PLOD1: variants seen among roughly 807,000 people sequenced by gnomAD.
The protein encoded by PLOD1 is procollagen-lysine,2-oxoglutarate 5-dioxygenase 1.
PLOD1 carries 70 observed loss-of-function variants against 94.7 expected under a neutral mutation model. That is an observed-to-expected ratio of 0.74 (90% CI 0.61 to 0.90). The LOEUF (loss-of-function observed/expected upper bound fraction) is 0.90. PLOD1 is among the 40% of genes least tolerant of loss of function. The pLI is 0.00. For missense variants in PLOD1, 905 were observed against 972.7 expected, an observed-to-expected ratio of 0.93 and a Z score of 0.93; for synonymous variants, 417 against 400.2, an observed-to-expected ratio of 1.04 and a Z score of -0.50.
chr1:11,968,478 A>G (rs1254965485), intron 16 of PLOD1, among the ~76,000 whole-genome samples: 1 of 149,192 alleles, frequency 6.7e-6, no homozygotes, highest in Admixed American at 6.7e-5. Flanking sequence ...CATATCTCCT[A>G]TGTACTTCAA....
chr1:11,940,648 G>A (rs1201593724), intron 1 of PLOD1, among the ~76,000 whole-genome samples: 2 of 152,200 alleles, frequency 1.3e-5, no homozygotes, highest in East Asian at 1.9e-4. Context: ...CCTGGATCAC[G>A]GGTTCATCTG....
In PLOD1 at chr1:11,940,015, T is replaced by C. The variant is rs565634119; in HGVS notation, c.76+5160T>C. ...TCAGGCTCAAGTGATCATCCCCACC[T>C]TGGCCCCCCAAAGACCGGGATTACA... On this transcript the variant is annotated intron_variant, in intron 1 of 18. Transcript: ENST00000196061. Among the ~76,000 whole-genome samples the C allele has an allele frequency of 2.8e-3, 426 of 152,224 alleles. 3 individuals are homozygous for C. The highest frequency in any genetic ancestry group is 6.8e-3 in the Middle Eastern group (2 of 294).
intron 1 of PLOD1, among the ~76,000 whole-genome samples, chr1:11,936,508 A>G (rs1236865783): frequency 1.3e-5 from 2 of 151,604 alleles, no homozygotes; most frequent in African/African-American, 4.8e-5. Context: ...GGGAACCACC[A>G]TTTATTTTAT....
Position 11,956,917 on chromosome 1 carries a change from A to G in PLOD1, c.644A>G (p.Asp215Gly). ...TGGGACTGTGCTTTCTGACCCCCAG[A>G]TGAGGTCGTGCTCAAGTTTGAAATG... The part of the protein sequence containing the change: ...RIFQNLDGAL[D>G]EVVLKFEMGH... Residue 215 changes from aspartate (D) to glycine (G), a missense_variant and splice_region_variant, in exon 7 of 19, where the codon GAT becomes GGT. Asp to Gly is a moderately conservative substitution (Grantham distance 94). Coordinates refer to ENST00000196061, the MANE Select transcript of PLOD1 (RefSeq NM_000302.4). The G allele has an allele frequency of 6.2e-7, 1 of 1,609,846 alleles. No individual in the cohort carries two copies.
At position 11,949,821 on chromosome 1, in the gene PLOD1, G is replaced by A. The variant is rs748173461; in HGVS notation, c.217G>A (p.Gly73Ser). The A allele has an allele frequency of 6.2e-7, 1 of 1,614,096 alleles. No homozygotes were observed. The highest frequency in any genetic ancestry group is 8.5e-7 in the Non-Finnish European group (1 of 1,179,958). The change falls in exon 3 of 19, where the codon GGT (glycine) becomes AGT (serine). Residue 73 changes from glycine to serine, a missense_variant. Transcript: ENST00000196061. ...DWNVEKGTSA[G>S]GGQKVRLLKK... ...GAATGTGGAGAAGGGGACGTCGGCA[G>A]GTGGAGGGCAGAAGGTCCGGCTGCT...
chr1:11,972,572 T>C lies in PLOD1; in HGVS notation c.1903-300T>C. ...CGGCCTCCTTCCCTTTCATTTCTTC[T>C]CTTCCCTTTCATTTCTTCTCTTCCC... is the stretch of plus-strand genomic sequence containing the variant. On this transcript the variant is annotated intron_variant, in intron 17 of 18. Coordinates refer to ENST00000196061, the MANE Select transcript of PLOD1 (RefSeq NM_000302.4). This position sits in a 1 kb window ranked among gnomAD's most constrained non-coding sequence, Gnocchi z 4.6. 1 of 378,678 alleles carries C rather than the reference T, an allele frequency of 2.6e-6. No homozygotes were observed. Among genetic ancestry groups the C allele is most frequent in the Non-Finnish European group, 5.1e-6 (1 of 197,734 alleles). 23.5% of individuals were successfully genotyped at this position (378,678 alleles called of 1,614,324 possible). A position where few individuals can be genotyped will look rare whatever the true frequency, so the allele number is the denominator to read the frequency against.
At chr1:11,939,504 C>T (rs181746487) in intron 1 of PLOD1, among the ~76,000 whole-genome samples, 1 of 152,266 alleles carries the variant, frequency 6.6e-6, no homozygotes, top group Non-Finnish European at 1.5e-5. Context: ...AGGGGGCATC[C>T]GGTGGCACAG....
In PLOD1 at chr1:11,974,944, A is replaced by G. The variant is rs1645893853; in HGVS notation, c.*136A>G. ...CTTCCCATTGCTCTTGGAGCCACCA[A>G]TCAAAGAGATTCAAAGAGATTCCTG... On this transcript the variant is annotated 3_prime_UTR_variant, in exon 19 of 19. Transcript: ENST00000196061. 1.2e-6 allele frequency: 1 copy of G among 849,650 alleles called. No individual in the cohort carries two copies. Among genetic ancestry groups the G allele is most frequent in the Non-Finnish European group, 2.0e-6 (1 of 489,548 alleles). 52.6% of individuals were successfully genotyped at this position (849,650 alleles called of 1,614,324 possible). A position where few individuals can be genotyped will look rare whatever the true frequency, so the allele number is the denominator to read the frequency against.
chr1:11,952,844 T>G, intron 5 of PLOD1, 109 bp downstream of exon 5: 1 of 748,788 alleles, frequency 1.3e-6, no homozygotes. Context: ...TCTTAGTCTA[T>G]GCAGGCTGCT....
chr1:11,963,798 C>CTCCTTGTCT lies in PLOD1; in HGVS notation c.1202+166_1202+167insTGTCTTCCT, dbSNP rs1557495583. ...CCTCCTCGTCTTCCTCCTTGTCTTC[C>CTCCTTGTCT]TCCTCCTCTTCCTCTTCCTCCTCTT... On this transcript the variant is annotated intron_variant, in intron 11 of 18. Coordinates refer to ENST00000196061, the MANE Select transcript of PLOD1 (RefSeq NM_000302.4). The surrounding 1 kb of genome is among the most constrained non-coding windows in gnomAD (Gnocchi z 4.3). Among the ~76,000 whole-genome samples the CTCCTTGTCT allele has an allele frequency of 6.6e-6, 1 of 151,710 alleles. No homozygotes were observed. The highest frequency in any genetic ancestry group is 2.4e-5 in the African/African-American group (1 of 41,266).
intron 1 of PLOD1, among the ~76,000 whole-genome samples, chr1:11,944,013 C>T (rs1645632358): frequency 1.3e-5 from 2 of 152,208 alleles, no homozygotes; most frequent in South Asian, 4.1e-4. Context: ...AGGCAGATCA[C>T]CTGAGGTCAT....
At chr1:11,969,140 A>C (rs1029479598) in intron 16 of PLOD1, among the ~76,000 whole-genome samples, 3 of 149,150 alleles carry the variant, frequency 2.0e-5, no homozygotes, top group Non-Finnish European at 4.4e-5. Flanking sequence ...GGTACCCACC[A>C]CTACGCCTGG....
rs756600025 is a variant in PLOD1 at position 11,956,956 on chromosome 1, C to T, written c.683C>T (p.Ala228Val). ...VLKFEMGHVR[A>V]RNLAYDTLPV... ...AAGTTTGAAATGGGCCATGTGAGAGCGAGGAACCTGGCCTATGACACCCTC... is the reference window on the plus strand; with the variant it reads ...AAGTTTGAAATGGGCCATGTGAGAGTGAGGAACCTGGCCTATGACACCCTC... The change falls in exon 7 of 19, where the codon GCG (alanine) becomes GTG (valine). Residue 228 changes from alanine (A) to valine (V), a missense_variant. Physicochemically the swap from Ala to Val is moderately conservative, Grantham distance 64. Coordinates refer to ENST00000196061, the MANE Select transcript of PLOD1 (RefSeq NM_000302.4). 4.8e-5 allele frequency: 78 copies of T among 1,613,706 alleles called. No individual in the cohort carries two copies. The highest frequency in any genetic ancestry group is 9.3e-5 in the African/African-American group (7 of 74,868).
intron 4 of PLOD1, among the ~76,000 whole-genome samples, chr1:11,951,995 C>G (rs1375674763): frequency 6.6e-6 from 1 of 152,244 alleles, no homozygotes; most frequent in Admixed American, 6.5e-5. Flanking sequence ...GAATAAAATC[C>G]ACAGGCCTCT....
At chr1:11,941,673 G>A (rs1645616478) in intron 1 of PLOD1, among the ~76,000 whole-genome samples, 1 of 152,002 alleles carries the variant, frequency 6.6e-6, no homozygotes, top group Non-Finnish European at 1.5e-5. Context: ...TAGTAGAGAC[G>A]GGGTTTCATC....
chr1:11,967,337 G>C (rs1645825972), intron 16 of PLOD1, among the ~76,000 whole-genome samples: 1 of 151,940 alleles, frequency 6.6e-6, no homozygotes, highest in African/African-American at 2.4e-5. Context: ...AAGCTACTAG[G>C]TTTTCAGTTC....
chr1:11,961,401 CAAAG>C (rs916103961), intron 10 of PLOD1, among the ~76,000 whole-genome samples: 4 of 152,062 alleles, frequency 2.6e-5, no homozygotes, highest in African/African-American at 4.8e-5. Flanking sequence ...AAAACAAAAA[CAAAG>C]AAAGAAGTAA....
rs762431149 is a variant in PLOD1, at chr1:11,957,013, A to G, written c.740A>G (p.Lys247Arg). 7 of 1,604,338 alleles carry G rather than the reference A, an allele frequency of 4.4e-6. No individual in the cohort carries two copies. The highest frequency in any genetic ancestry group is 1.7e-5 in the Admixed American group (1 of 59,994). The change falls in exon 7 of 19, where the codon AAG becomes AGG. Residue 247 changes from lysine to arginine, a missense_variant and splice_region_variant. Coordinates refer to ENST00000196061, the MANE Select transcript of PLOD1 (RefSeq NM_000302.4). The surrounding 1 kb of genome is among the most constrained non-coding windows in gnomAD (Gnocchi z 4.1). ...CTGATCCATGGCAACGGGCCAACCAAGGTAGGGGGTCCCCAGCCCCTGGGG... is the reference window on the plus strand; with the variant it reads ...CTGATCCATGGCAACGGGCCAACCAGGGTAGGGGGTCCCCAGCCCCTGGGG... ...PVLIHGNGPT[K>R]LQLNYLGNYI...
At chr1:11,935,988 C>G (rs1487537042) in intron 1 of PLOD1, among the ~76,000 whole-genome samples, 3 of 151,986 alleles carry the variant, frequency 2.0e-5, no homozygotes, top group Non-Finnish European at 4.4e-5. Context: ...GCCACCATGC[C>G]CAGCTAATTT....
Sources: allele counts gnomAD v4.1 joint callset (sites outside exome capture counted in the v4.1 genomes callset), GRCh38; gene constraint gnomAD v4.1.1; non-coding constraint Gnocchi (gnomAD v3.1); transcripts MANE v1.5; gene names NCBI Gene and HGNC (gene_info 2026-07-23, HGNC 2026-07-21).